Variants in AKAP10 observed in about 807,000 individuals in gnomAD.
AKAP10 encodes the protein A-kinase anchoring protein 10.
A neutral mutation model predicts 80.8 loss-of-function variants in AKAP10; 24 were observed. The ratio of observed to expected loss-of-function variants is 0.30; its 90% confidence interval spans 0.22 to 0.42. The LOEUF (loss-of-function observed/expected upper bound fraction) is 0.42, where lower values mean the gene tolerates loss of function less well. Among genes scored for constraint, AKAP10 ranks in the 10% least tolerant of loss-of-function variants. AKAP10 has a pLI of 1.00. For missense variants in AKAP10, 661 were observed against 794.9 expected, an observed-to-expected ratio of 0.83 and a Z score of 2.03; for synonymous variants, 291 against 277.7, an observed-to-expected ratio of 1.05 and a Z score of -0.48.
Position 19,958,147 on chromosome 17 carries a change from G to C in AKAP10, c.744C>G (p.Leu248=). Residue 248 remains leucine (L), a synonymous_variant, in exon 4 of 15, where the codon CTC becomes CTG. Coordinates refer to ENST00000225737, the MANE Select transcript of AKAP10 (RefSeq NM_007202.4). ...TTCCTGCTCTGGCCATTTCAAGACG[G>C]AGAGAATGGGCACTGTCACATTCCT... is the stretch of plus-strand genomic sequence containing the variant. ...LSQECDSAHS[L]RLEMARAGTH... is the part of the protein sequence containing the mutation. The C allele has an allele frequency of 6.2e-7, 1 of 1,614,126 alleles. No homozygotes were observed. The highest frequency in any genetic ancestry group is 2.2e-5 in the East Asian group (1 of 44,874).
rs2042627159 is a variant in AKAP10 at position 19,905,866 on chromosome 17, CAAGTATCA to C, written c.*353_*360del. The C allele has an allele frequency of 5.0e-6, 1 of 201,388 alleles. No homozygotes were observed. Among genetic ancestry groups the C allele is most frequent in the Admixed American group, 5.3e-5 (1 of 18,716 alleles). 12.5% of individuals were successfully genotyped at this position (201,388 alleles called of 1,614,324 possible). ...ATGAGTTACCACTACGAGTGTGCATCAAGTATCAGTTCTATGCTTATCTGCTTCCCAGA... is the reference window on the plus strand; with the variant it reads ...ATGAGTTACCACTACGAGTGTGCATCGTTCTATGCTTATCTGCTTCCCAGA... On this transcript the variant is annotated 3_prime_UTR_variant, in exon 15 of 15. Coordinates refer to ENST00000225737, the MANE Select transcript of AKAP10 (RefSeq NM_007202.4).
chr17:19,925,365 G>A (rs748692619), intron 10 of AKAP10, among the ~76,000 whole-genome samples: 2 of 152,034 alleles, frequency 1.3e-5, no homozygotes, highest in Admixed American at 6.6e-5. Context: ...GATTCTTGGT[G>A]AGGCCATATG....
intron 4 of AKAP10, among the ~76,000 whole-genome samples, chr17:19,952,790 G>A (rs1345831758): frequency 6.6e-6 from 1 of 151,950 alleles, no homozygotes; most frequent in Non-Finnish European, 1.5e-5. Flanking sequence ...AGCAAAACCA[G>A]ATAGAGCTGA....
At chr17:19,970,788 AC>A (rs925243154) in intron 1 of AKAP10, among the ~76,000 whole-genome samples, 3 of 152,170 alleles carry the variant, frequency 2.0e-5, no homozygotes, top group African/African-American at 4.8e-5. Flanking sequence ...ACACCACTGT[AC>A]CCCAGCCTGG....
intron 3 of AKAP10, among the ~76,000 whole-genome samples, chr17:19,959,220 A>T (rs778807295): frequency 1.3e-5 from 2 of 152,200 alleles, no homozygotes; most frequent in Non-Finnish European, 2.9e-5. Flanking sequence ...TAAAAATATT[A>T]AAAACTATAC....
intron 1 of AKAP10, among the ~76,000 whole-genome samples, chr17:19,973,827 A>G (rs1307019727): frequency 1.3e-5 from 2 of 152,214 alleles, no homozygotes; most frequent in Non-Finnish European, 2.9e-5. Flanking sequence ...TAGACCTAAC[A>G]GATTTGCTGA....
intron 10 of AKAP10, among the ~76,000 whole-genome samples, chr17:19,927,117 A>G (rs571623233): frequency 3.2e-4 from 48 of 152,314 alleles, no homozygotes; most frequent in African/African-American, 1.1e-3. Context: ...TGGGAGAATC[A>G]CTTTGAGCCT....
intron 4 of AKAP10, among the ~76,000 whole-genome samples, chr17:19,953,616 A>G (rs1338085964): frequency 6.6e-6 from 1 of 152,194 alleles, no homozygotes; most frequent in South Asian, 2.1e-4. Flanking sequence ...ATTCAATACA[A>G]TTAATTACTC....
chr17:19,970,403 TCAA>T (rs1179855555), intron 1 of AKAP10, among the ~76,000 whole-genome samples: 1 of 152,210 alleles, frequency 6.6e-6, no homozygotes, highest in African/African-American at 2.4e-5. Context: ...TATACACAAC[TCAA>T]CAATCAAATA....
At chr17:19,928,340 A>C (rs1362449351) in intron 10 of AKAP10, among the ~76,000 whole-genome samples, 1 of 152,254 alleles carries the variant, frequency 6.6e-6, no homozygotes, top group Non-Finnish European at 1.5e-5. Flanking sequence ...CAACATCATT[A>C]CTCATCAGAG....
At chr17:19,958,718 A>T in intron 3 of AKAP10, 147 bp from the exon 4 acceptor site, 1 of 657,150 alleles carries the variant, frequency 1.5e-6, no homozygotes, top group Non-Finnish European at 2.4e-6. Flanking sequence ...AAAAACTACA[A>T]ATACTATGCT....
intron 4 of AKAP10, among the ~76,000 whole-genome samples, chr17:19,957,060 A>C (rs997494628): frequency 6.6e-6 from 1 of 152,192 alleles, no homozygotes; most frequent in Non-Finnish European, 1.5e-5. Context: ...AAGAACATTT[A>C]AGATGAAAAA....
Position 19,977,787 on chromosome 17 carries a change from G to T in AKAP10, c.-108C>A. 4.9e-6 allele frequency: 3 copies of T among 607,844 alleles called. No homozygotes were observed. The highest frequency in any genetic ancestry group is 7.2e-6 in the Non-Finnish European group (3 of 416,846). 37.7% of individuals were successfully genotyped at this position (607,844 alleles called of 1,614,324 possible). ...ACCGCCTCCTCGGGATGCCCAGGCA[G>T]CTCCAGCCGCCATATTATCAACAAG... is the stretch of plus-strand genomic sequence containing the variant. On this transcript the variant is annotated 5_prime_UTR_variant, in exon 1 of 15. It adds an upstream start codon to the 5' untranslated region. Coordinates refer to ENST00000225737, the MANE Select transcript of AKAP10 (RefSeq NM_007202.4).
chr17:19,956,020 T>C (rs767999280), intron 4 of AKAP10, among the ~76,000 whole-genome samples: 3 of 152,178 alleles, frequency 2.0e-5, no homozygotes, highest in Non-Finnish European at 4.4e-5. Context: ...TTGGGGCCAG[T>C]AGTATTCTGG....
At chr17:19,953,693 A>G (rs914711145) in intron 4 of AKAP10, among the ~76,000 whole-genome samples, 14 of 152,236 alleles carry the variant, frequency 9.2e-5, no homozygotes, top group Non-Finnish European at 1.8e-4. Flanking sequence ...TCCTATATCT[A>G]TTAAATAATC....
chr17:19,924,354 A>G, intron 11 of AKAP10, 54 bp downstream of exon 11: 1 of 1,265,322 alleles, frequency 7.9e-7, no homozygotes, highest in Admixed American at 2.6e-5. Flanking sequence ...AAAAAATTTA[A>G]AAGATGCAAA....
chr17:19,910,840 A>T (rs1436375513), intron 12 of AKAP10, among the ~76,000 whole-genome samples: 1 of 152,230 alleles, frequency 6.6e-6, no homozygotes, highest in East Asian at 1.9e-4. Context: ...TATCCAAGCC[A>T]GAGTACGCCT....
At chr17:19,908,140 C>T (rs2042650916) in intron 14 of AKAP10, among the ~76,000 whole-genome samples, 1 of 152,160 alleles carries the variant, frequency 6.6e-6, no homozygotes, top group East Asian at 1.9e-4. Context: ...GCTGGGATTA[C>T]AGGCATGAGC....
At chr17:19,973,256 C>T (rs2043522633) in intron 1 of AKAP10, among the ~76,000 whole-genome samples, 1 of 152,152 alleles carries the variant, frequency 6.6e-6, no homozygotes, top group South Asian at 2.1e-4. Context: ...CTGGCCATGC[C>T]TAAACTGGCC....
Sources: gnomAD v4.1 joint callset for allele counts (sites outside exome capture counted in the v4.1 genomes callset) on GRCh38, gnomAD v4.1.1 for gene constraint, MANE v1.5 for transcripts, NCBI Gene and HGNC (gene_info 2026-07-23, HGNC 2026-07-21) for gene names.